The following SLC34A1 variants were observed in gnomAD, a reference collection of about 807,000 sequenced individuals.
The protein encoded by SLC34A1 is solute carrier family 34 member 1, also known as sodium-dependent phosphate transport protein 2A.
SLC34A1 carries 57 observed loss-of-function variants against 51.4 expected under a neutral mutation model. That is an observed-to-expected ratio of 1.11 (90% CI 0.90 to 1.38). SLC34A1 has a LOEUF of 1.38. Ranked by LOEUF, SLC34A1 falls within the 40% of genes most tolerant of loss-of-function variation. The probability of loss-of-function intolerance (pLI) is 0.00; values close to 1 mark genes in which losing one functional copy is unlikely to be tolerated. For synonymous variants in SLC34A1, 368 were observed against 358.0 expected, an observed-to-expected ratio of 1.03 and a Z score of -0.32; for missense variants, 796 against 835.6, an observed-to-expected ratio of 0.95 and a Z score of 0.58.
chr5:177,388,001 G>C lies in SLC34A1; in HGVS notation c.652G>C (p.Ala218Pro). The part of the protein sequence containing the change: ...GDRTDFRRAF[A>P]GATVHDCFNW... ...TGTGGCCTCCCTGCCCAGGGCCTTC[G>C]CGGGGGCCACGGTGCATGACTGCTT... The change falls in exon 7 of 13, where the codon GCG (alanine) becomes CCG (proline). Residue 218 changes from alanine to proline, a missense_variant. By Grantham distance (27) the Ala-to-Pro change is conservative. Coordinates refer to ENST00000324417, the MANE Select transcript of SLC34A1 (RefSeq NM_003052.5). This position sits in a 1 kb window ranked among gnomAD's most constrained non-coding sequence, Gnocchi z 4.3. The C allele has an allele frequency of 6.2e-7, 1 of 1,612,754 alleles. No homozygotes were observed. The highest frequency in any genetic ancestry group is 8.5e-7 in the Non-Finnish European group (1 of 1,179,176).
At chr5:177,389,440 G>A (rs149853485) in intron 8 of SLC34A1, among the ~76,000 whole-genome samples, 1 of 151,620 alleles carries the variant, frequency 6.6e-6, no homozygotes, top group East Asian at 1.9e-4. Context: ...CATCTGACTC[G>A]CCCTGCGATG....
At position 177,388,720 on chromosome 5, in the gene SLC34A1, C is replaced by T. The variant is rs1368917517; in HGVS notation, c.936+348C>T. On this transcript the variant is annotated intron_variant, in intron 8 of 12. Transcript: ENST00000324417. This position sits in a 1 kb window ranked among gnomAD's most constrained non-coding sequence, Gnocchi z 4.3. ...TACTGAATCTGGAAACCCCTGGGAG[C>T]GGGGCCAATGGCCTATGCTTCAGCA... Among the ~76,000 whole-genome samples the T allele has an allele frequency of 6.6e-6, 1 of 152,112 alleles. No homozygotes were observed. The highest frequency in any genetic ancestry group is 2.4e-5 in the African/African-American group (1 of 41,390).
At chr5:177,397,751 C>T (rs1430084140) in intron 12 of SLC34A1, 32 bp from the exon 13 acceptor site, 3 of 1,602,450 alleles carry the variant, frequency 1.9e-6, no homozygotes, top group African/African-American at 2.7e-5. Flanking sequence ...GAGCCAGTGC[C>T]CATCTCAGCC....
rs1294329072 is a variant in SLC34A1 at position 177,397,992 on chromosome 5, AG to A, written c.1628del (p.Gly543ValfsTer44). On this transcript the variant is annotated frameshift_variant, in exon 13 of 13. Coordinates refer to ENST00000324417, the MANE Select transcript of SLC34A1 (RefSeq NM_003052.5). LOFTEE classifies it high-confidence loss of function. Reference sequence around the variant, plus strand: ...CCATGGCAGGCTGGCAGGTCATGGTAGGTGTGGGCACGCCCTTCGGGGCCCT... The same window carrying A: ...CCATGGCAGGCTGGCAGGTCATGGTAGTGTGGGCACGCCCTTCGGGGCCCT... ...ISMAGWQVMV[G>X]VGTPFGALLA... is the part of the protein sequence containing the mutation. 6.2e-7 allele frequency: 1 copy of A among 1,614,060 alleles called. No individual in the cohort carries two copies. The highest frequency in any genetic ancestry group is 1.3e-5 in the African/African-American group (1 of 75,024).
At chr5:177,389,243 T>C (rs767136975) in intron 8 of SLC34A1, among the ~76,000 whole-genome samples, 1 of 152,170 alleles carries the variant, frequency 6.6e-6, no homozygotes, top group Non-Finnish European at 1.5e-5. Context: ...CAAACCACAA[T>C]GCACCATATT....
Position 177,387,975 on chromosome 5 carries a change from A to G in SLC34A1, c.645-19A>G. 6.2e-7 allele frequency: 1 copy of G among 1,611,960 alleles called. No homozygotes were observed. Among genetic ancestry groups the G allele is most frequent in the Non-Finnish European group, 8.5e-7 (1 of 1,178,724 alleles). On this transcript the variant is annotated intron_variant, in intron 6 of 12. Transcript: ENST00000324417. ...TGCACTGGCTCGAGCCTGCCTTGCA[A>G]TGTGGCCTCCCTGCCCAGGGCCTTC...
At position 177,396,739 on chromosome 5, in the gene SLC34A1, C is replaced by T. The variant is rs372409461; in HGVS notation, c.1181C>T (p.Pro394Leu). 8 of 1,614,082 alleles carry T rather than the reference C, an allele frequency of 5.0e-6. No individual in the cohort carries two copies. The highest frequency in any genetic ancestry group is 1.6e-4 in the Middle Eastern group (1 of 6,084). ...GGATGCGGTTTCCTTGCAGACTTCC[C>T]TGCCCCCTTCACCTGGGTCACAGGC... ...VIQKVINTDF[P>L]APFTWVTGYF... Residue 394 changes from proline to leucine, a missense_variant, in exon 11 of 13, where the codon CCT (proline) becomes CTT (leucine). Pro to Leu is a moderately conservative substitution (Grantham distance 98, BLOSUM62 -3). Transcript: ENST00000324417. This position sits in a 1 kb window ranked among gnomAD's most constrained non-coding sequence, Gnocchi z 4.0.
Position 177,388,373 on chromosome 5 carries a change from G to C in SLC34A1, c.936+1G>C, listed in dbSNP as rs1561629464. ...CTGGTGCCACCCAGACTCCTTACAG[G>C]TGAGTCCCAGGCCTAACCCCAGGTA... is the stretch of plus-strand genomic sequence containing the variant. On this transcript the variant is annotated splice_donor_variant, in intron 8 of 12. Transcript: ENST00000324417. LOFTEE classifies it high-confidence loss of function. The surrounding 1 kb of genome is among the most constrained non-coding windows in gnomAD (Gnocchi z 4.3). The C allele has an allele frequency of 6.2e-7, 1 of 1,613,218 alleles. No individual in the cohort carries two copies. The highest frequency in any genetic ancestry group is 1.1e-5 in the South Asian group (1 of 91,044).
In SLC34A1 at chr5:177,388,713, C is replaced by T. The variant is rs893003489; in HGVS notation, c.936+341C>T. Among the ~76,000 whole-genome samples, 1 of 152,158 alleles carries T rather than the reference C, an allele frequency of 6.6e-6. No individual in the cohort carries two copies. The highest frequency in any genetic ancestry group is 1.5e-5 in the Non-Finnish European group (1 of 68,040). On this transcript the variant is annotated intron_variant, in intron 8 of 12. Transcript: ENST00000324417. This position sits in a 1 kb window ranked among gnomAD's most constrained non-coding sequence, Gnocchi z 4.3. ...CTAGACCTACTGAATCTGGAAACCC[C>T]TGGGAGCGGGGCCAATGGCCTATGC... is the stretch of plus-strand genomic sequence containing the variant.
rs373490491 is a variant in SLC34A1, at chr5:177,397,066, G to A, written c.1408G>A (p.Ala470Thr). ...LASPREKLSS[A>T]FQIALCHFFF... ...CAGCCCCAGGGAGAAGCTGTCCAGC[G>A]CTTTCCAGGTGCGCTGGGAGTGTAG... is the stretch of plus-strand genomic sequence containing the variant. The change falls in exon 12 of 13, where the codon GCT becomes ACT. Residue 470 changes from alanine (A) to threonine (T), a missense_variant. Transcript: ENST00000324417. 1.5e-5 allele frequency: 25 copies of A among 1,613,334 alleles called. No homozygotes were observed. Among genetic ancestry groups the A allele is most frequent in the Admixed American group, 1.3e-4 (8 of 60,022 alleles).
At position 177,397,047 on chromosome 5, in the gene SLC34A1, C is replaced by T; in HGVS notation, c.1389C>T (p.Pro463=). ...CCATCCTGGCTGCCCTGGCCAGCCCCAGGGAGAAGCTGTCCAGCGCTTTCC... is the reference window on the plus strand; with the variant it reads ...CCATCCTGGCTGCCCTGGCCAGCCCTAGGGAGAAGCTGTCCAGCGCTTTCC... ...TTAILAALAS[P]REKLSSAFQI... is the part of the protein sequence containing the mutation. The change falls in exon 12 of 13, where the codon CCC becomes CCT. Residue 463 remains proline (P), a synonymous_variant. Transcript: ENST00000324417. The T allele has an allele frequency of 6.2e-7, 1 of 1,613,848 alleles. No individual in the cohort carries two copies. Among genetic ancestry groups the T allele is most frequent in the Non-Finnish European group, 8.5e-7 (1 of 1,180,024 alleles).
intron 8 of SLC34A1, among the ~76,000 whole-genome samples, chr5:177,391,080 C>G (rs1439671184): frequency 6.6e-6 from 1 of 152,146 alleles, no homozygotes; most frequent in Non-Finnish European, 1.5e-5. Context: ...CCGCTTCAGG[C>G]CCCTCCAGCC....
chr5:177,386,697 A>G lies in SLC34A1; in HGVS notation c.532+131A>G. The G allele has an allele frequency of 2.8e-6, 3 of 1,082,120 alleles. No individual in the cohort carries two copies. The East Asian group carries it at 7.2e-5, about 26-fold the overall frequency. The allele number at this position is 1,082,120 out of a possible 1,614,324, so 67.0% of individuals were successfully genotyped here. On this transcript the variant is annotated intron_variant, in intron 5 of 12. Coordinates refer to ENST00000324417, the MANE Select transcript of SLC34A1 (RefSeq NM_003052.5). The surrounding 1 kb of genome is among the most constrained non-coding windows in gnomAD (Gnocchi z 4.8). ...CTTGACTCCTGTATCAGCCAGGGACATGAGAGGAGCCCAACTGTAGCTGTA... is the reference window on the plus strand; with the variant it reads ...CTTGACTCCTGTATCAGCCAGGGACGTGAGAGGAGCCCAACTGTAGCTGTA...
chr5:177,390,732 T>C (rs1762773450), intron 8 of SLC34A1, among the ~76,000 whole-genome samples: 1 of 151,906 alleles, frequency 6.6e-6, no homozygotes, highest in Non-Finnish European at 1.5e-5. Context: ...ACAAAGGCCC[T>C]AGAGCTCCCC....
At chr5:177,387,565 G>A (rs953365824) in intron 5 of SLC34A1, among the ~76,000 whole-genome samples, 197 bp from the exon 6 acceptor site, 3 of 152,194 alleles carry the variant, frequency 2.0e-5, no homozygotes, top group Non-Finnish European at 2.9e-5. Flanking sequence ...ACATCTACTC[G>A]CATGGATGAA....
chr5:177,396,451 G>A lies in SLC34A1; in HGVS notation c.1175-282G>A, dbSNP rs1465280435. 5.3e-5 allele frequency among the ~76,000 whole-genome samples: 8 copies of A among 149,602 alleles called. No individual in the cohort carries two copies. Among genetic ancestry groups the A allele is most frequent in the Non-Finnish European group, 6.0e-5 (4 of 67,044 alleles). ...GGAGATCCGCTCTCCCAGTGCCCCCGCGGAGGTCCGCTCTCCCAGTGCCCC... is the reference window on the plus strand; with the variant it reads ...GGAGATCCGCTCTCCCAGTGCCCCCACGGAGGTCCGCTCTCCCAGTGCCCC... On this transcript the variant is annotated intron_variant, in intron 10 of 12. Transcript: ENST00000324417. This position sits in a 1 kb window ranked among gnomAD's most constrained non-coding sequence, Gnocchi z 4.0.
In SLC34A1 at chr5:177,388,289, G is replaced by A. The variant is rs745759229; in HGVS notation, c.853G>A (p.Val285Met). The A allele has an allele frequency of 3.1e-6, 5 of 1,614,158 alleles. No homozygotes were observed. In the South Asian group the frequency reaches 5.5e-5, roughly 18 times the overall value. Residue 285 changes from valine to methionine, a missense_variant, in exon 8 of 13, where the codon GTG becomes ATG. Coordinates refer to ENST00000324417, the MANE Select transcript of SLC34A1 (RefSeq NM_003052.5). This position sits in a 1 kb window ranked among gnomAD's most constrained non-coding sequence, Gnocchi z 4.3. ...TKLIIQLDES[V>M]ITSIATGDES... ...ATCTTGCCCACAGCTGGACGAGTCTGTGATAACCAGCATTGCCACTGGTGA... is the reference window on the plus strand; with the variant it reads ...ATCTTGCCCACAGCTGGACGAGTCTATGATAACCAGCATTGCCACTGGTGA...
rs1762947161 is a variant in SLC34A1 at position 177,396,160 on chromosome 5, A to C, written c.1175-573A>C. ...ATAAGGGGTATCATGGGGCTGTGGGAGCTCAGAGAAGGGAGAAAAAGTCTG... is the reference window on the plus strand; with the variant it reads ...ATAAGGGGTATCATGGGGCTGTGGGCGCTCAGAGAAGGGAGAAAAAGTCTG... On this transcript the variant is annotated intron_variant, in intron 10 of 12. Coordinates refer to ENST00000324417, the MANE Select transcript of SLC34A1 (RefSeq NM_003052.5). This position sits in a 1 kb window ranked among gnomAD's most constrained non-coding sequence, Gnocchi z 4.0. Among the ~76,000 whole-genome samples the C allele has an allele frequency of 6.6e-6, 1 of 152,118 alleles. No homozygotes were observed.
rs144311797 is a variant in SLC34A1 at position 177,385,905 on chromosome 5, G to A, written c.109+55G>A. The stretch of plus-strand genomic sequence containing the variant: ...GGTTGCCCACGGTTGCCCACATCCC[G>A]GATGAGGCCACTTCCCCCGCCTGTT... On this transcript the variant is annotated intron_variant, in intron 2 of 12. Coordinates refer to ENST00000324417, the MANE Select transcript of SLC34A1 (RefSeq NM_003052.5). 4.3e-4 allele frequency: 696 copies of A among 1,610,398 alleles called. 8 individuals carry two copies. The African/African-American group carries it at 5.1e-3, about 12-fold the overall frequency.
Sources: gnomAD v4.1 joint callset for allele counts (sites outside exome capture counted in the v4.1 genomes callset) on GRCh38, gnomAD v4.1.1 for gene constraint, Gnocchi (gnomAD v3.1) non-coding constraint, MANE v1.5 for transcripts, NCBI Gene and HGNC (gene_info 2026-07-23, HGNC 2026-07-21) for gene names.